The following NAV2 variants were observed in gnomAD, a reference collection of about 807,000 sequenced individuals.
The protein encoded by NAV2 is helicase, APC down-regulated 1.
In NAV2, 54 loss-of-function variants were observed where a neutral mutation model predicts 223.2. The ratio of observed to expected loss-of-function variants is 0.24; its 90% confidence interval spans 0.19 to 0.30. The LOEUF is 0.30. Ranked by LOEUF, NAV2 falls within the 10% of genes least tolerant of loss-of-function variation. NAV2 has a pLI of 1.00. For synonymous variants in NAV2, 1,279 were observed against 1,239.3 expected (o/e 1.03, Z -0.67); for missense variants, 2,806 against 3,147.5 (o/e 0.89, Z 2.60).
intron 1 of NAV2, among the ~76,000 whole-genome samples, chr11:19,801,895 C>T (rs1317997426): frequency 2.0e-5 from 3 of 152,078 alleles, no homozygotes; most frequent in Non-Finnish European, 4.4e-5. Context: ...CGGTGTATGC[C>T]ACATAGTGTG....
chr11:19,793,339 C>T (rs2057674625), intron 1 of NAV2, among the ~76,000 whole-genome samples: 2 of 151,982 alleles, frequency 1.3e-5, no homozygotes, highest in Admixed American at 1.3e-4. Flanking sequence ...TTTTGTTTTC[C>T]ATCTCTGATT....
At chr11:19,364,901 C>T (rs1433716326) in intron 1 of NAV2, among the ~76,000 whole-genome samples, 3 of 152,226 alleles carry the variant, frequency 2.0e-5, no homozygotes, top group African/African-American at 7.2e-5. Flanking sequence ...GTTTACTATG[C>T]AAAGCTAGGT....
chr11:19,859,584 C>G (rs1412634201), intron 3 of NAV2, among the ~76,000 whole-genome samples: 5 of 151,976 alleles, frequency 3.3e-5, no homozygotes, highest in African/African-American at 4.8e-5. Context: ...CAATCTTTTC[C>G]CCACCTTTCC....
intron 1 of NAV2, among the ~76,000 whole-genome samples, chr11:19,593,746 T>C (rs767236557): frequency 4.3e-5 from 1 of 23,146 alleles, no homozygotes; most frequent in Non-Finnish European, 1.2e-4. Context: ...CTAAAAGGTA[T>C]GTAGTGACAC....
At chr11:19,934,796 TGGGGAGAAGAGTAATGGTA>T (rs1461513765) in intron 7 of NAV2, among the ~76,000 whole-genome samples, 1 of 143,852 alleles carries the variant, frequency 7.0e-6, no homozygotes, top group Non-Finnish European at 1.5e-5. Context: ...AGAGGGACAT[TGGGGAGAAGAGTAATGGTA>T]GGGGAGGGGC....
At chr11:19,945,164 TCC>T (rs1591365215) in intron 8 of NAV2, among the ~76,000 whole-genome samples, 4 of 14,728 alleles carry the variant, frequency 2.7e-4, no homozygotes, top group Admixed American at 7.3e-4. Flanking sequence ...TCCCTTCCCT[TCC>T]CTTCCCTTCC....
intron 1 of NAV2, among the ~76,000 whole-genome samples, chr11:19,795,909 C>G (rs1565330769): frequency 1.3e-5 from 2 of 152,182 alleles, no homozygotes; most frequent in African/African-American, 4.8e-5. Context: ...TTTCATTTGT[C>G]AGTTCCACAG....
rs767573407 is a variant in NAV2, at chr11:20,043,982, CTGA to C, written c.2912_2914del (p.Asp971del). 1.4e-5 allele frequency: 22 copies of C among 1,613,140 alleles called. No individual in the cohort carries two copies. In the African/African-American group the frequency reaches 2.9e-4, roughly 22 times the overall value. On this transcript the variant is annotated inframe_deletion and splice_region_variant, in exon 13 of 38. Coordinates refer to ENST00000349880, the MANE Select transcript of NAV2 (RefSeq NM_145117.5). ...AATTCAGAGAGTCTCTGTCCACAGACTGATGCTGAGAAGCACTCACAGGTGGAG... is the reference window on the plus strand; with the variant it reads ...AATTCAGAGAGTCTCTGTCCACAGACTGCTGAGAAGCACTCACAGGTGGAG...
At chr11:19,574,603 A>ACTTC (rs925456653) in intron 1 of NAV2, among the ~76,000 whole-genome samples, 1 of 151,854 alleles carries the variant, frequency 6.6e-6, no homozygotes, top group Non-Finnish European at 1.5e-5. Context: ...TTCCTTCTTT[A>ACTTC]CTTCCTTCCT....
rs140553640 is a variant in NAV2 at position 20,112,838 on chromosome 11, C to T, written c.6961-1754C>T. Among the ~76,000 whole-genome samples the T allele has an allele frequency of 1.1e-3, 174 of 152,356 alleles. 1 individual carries two copies. The highest frequency in any genetic ancestry group is 4.1e-3 in the African/African-American group (171 of 41,580). On this transcript the variant is annotated intron_variant, in intron 36 of 37. Transcript: ENST00000349880. The stretch of plus-strand genomic sequence containing the variant: ...AGGGGGTGGGGCTAGGTGGCCCCAG[C>T]TCCTTCCCCTTGGAAAGACGTGGTT...
intron 3 of NAV2, among the ~76,000 whole-genome samples, chr11:19,848,896 C>G (rs1341859213): frequency 6.6e-6 from 1 of 152,150 alleles, no homozygotes; most frequent in Non-Finnish European, 1.5e-5. Flanking sequence ...TCTCATGTCA[C>G]AGAACACTGT....
chr11:19,866,651 G>A (rs1175770963), intron 3 of NAV2, among the ~76,000 whole-genome samples: 2 of 152,130 alleles, frequency 1.3e-5, no homozygotes, highest in Non-Finnish European at 2.9e-5. Flanking sequence ...CTTGGAATGT[G>A]AGTTCTATAG....
chr11:20,064,342 C>A (rs141594184), intron 20 of NAV2, among the ~76,000 whole-genome samples: 1 of 152,142 alleles, frequency 6.6e-6, no homozygotes, highest in Non-Finnish European at 1.5e-5. Context: ...CTGCTACTGA[C>A]GGAGGAAGCT....
At chr11:20,115,631 CAAAAAAA>C (rs386373266) in intron 37 of NAV2, among the ~76,000 whole-genome samples, 9 of 47,862 alleles carry the variant, frequency 1.9e-4, no homozygotes, top group African/African-American at 7.2e-4. Context: ...GACTCCGTCT[CAAAAAAA>C]AAAAAAAAAA....
chr11:19,352,793 T>G (rs554561104), intron 1 of NAV2, among the ~76,000 whole-genome samples: 1 of 152,318 alleles, frequency 6.6e-6, no homozygotes, highest in Admixed American at 6.5e-5. Flanking sequence ...ATTAGATTGT[T>G]TTTCCTGATA....
At chr11:19,861,975 T>C (rs141324082) in intron 3 of NAV2, among the ~76,000 whole-genome samples, 1 of 152,316 alleles carries the variant, frequency 6.6e-6, no homozygotes, top group Non-Finnish European at 1.5e-5. Flanking sequence ...GATAGACTTC[T>C]AGAACTTTAG....
intron 1 of NAV2, among the ~76,000 whole-genome samples, chr11:19,727,990 G>A (rs2051388684): frequency 6.6e-6 from 1 of 152,176 alleles, no homozygotes; most frequent in Non-Finnish European, 1.5e-5. Flanking sequence ...CCACCTGGAG[G>A]AATGACTACT....
chr11:19,995,862 A>T (rs934324484), intron 11 of NAV2, among the ~76,000 whole-genome samples: 3 of 152,202 alleles, frequency 2.0e-5, no homozygotes, highest in African/African-American at 7.2e-5. Flanking sequence ...GGATTTAATC[A>T]GACTTGGATG....
chr11:19,602,978 T>C (rs2046387222), intron 1 of NAV2, among the ~76,000 whole-genome samples: 1 of 152,068 alleles, frequency 6.6e-6, no homozygotes, highest in South Asian at 2.1e-4. Flanking sequence ...AGGAAGGGCA[T>C]TCTAAGTTGA....
Sources: gnomAD v4.1 joint callset for allele counts (sites outside exome capture counted in the v4.1 genomes callset) on GRCh38, gnomAD v4.1.1 for gene constraint, MANE v1.5 for transcripts, NCBI Gene and HGNC (gene_info 2026-07-23, HGNC 2026-07-21) for gene names.